NCAM1: variants seen among roughly 807,000 people sequenced by gnomAD.
The protein encoded by NCAM1 is neural cell adhesion molecule 1, also known as antigen recognized by monoclonal antibody 5.1H11.
NCAM1 carries 14 observed loss-of-function variants against 109.8 expected under a neutral mutation model. The observed-to-expected ratio is 0.13, with a 90% CI of 0.08 to 0.20. The LOEUF (loss-of-function observed/expected upper bound fraction) is 0.20, where lower values mean the gene tolerates loss of function less well. Ranked by LOEUF, NCAM1 falls within the 10% of genes least tolerant of loss-of-function variation. The pLI is 1.00. For synonymous variants in NCAM1, 418 were observed against 442.9 expected (o/e 0.94, Z 0.70); for missense variants, 774 against 1,109.9 (o/e 0.70, Z 4.30).
intron 1 of NCAM1, among the ~76,000 whole-genome samples, chr11:113,174,111 A>C (rs1943077429): frequency 6.6e-6 from 1 of 152,248 alleles, no homozygotes; most frequent in Admixed American, 6.5e-5. Context: ...CTAGGAGATT[A>C]GAAGTGGAAA....
chr11:113,219,101 GGCCTATGAA>G (rs1944614226), intron 8 of NCAM1, among the ~76,000 whole-genome samples: 1 of 152,120 alleles, frequency 6.6e-6, no homozygotes, highest in Admixed American at 6.5e-5. Flanking sequence ...GACTGACAAA[GGCCTATGAA>G]GCCTTATTAA....
At chr11:112,999,615 T>G (rs2134959397) in intron 1 of NCAM1, among the ~76,000 whole-genome samples, 1 of 152,262 alleles carries the variant, frequency 6.6e-6, no homozygotes, top group East Asian at 1.9e-4. Context: ...ATAACCCTAA[T>G]TAAGAGGAAA....
intron 1 of NCAM1, among the ~76,000 whole-genome samples, chr11:113,070,320 G>T (rs1938202021): frequency 6.6e-6 from 1 of 152,120 alleles, no homozygotes; most frequent in East Asian, 1.9e-4. Context: ...AGCAAGGTGG[G>T]GAGTGTAGAC....
chr11:113,064,418 G>A (rs1219726796), intron 1 of NCAM1, among the ~76,000 whole-genome samples: 2 of 152,094 alleles, frequency 1.3e-5, no homozygotes, highest in South Asian at 2.1e-4. Context: ...AAGTTAGATG[G>A]CAAAAATGAA....
intron 1 of NCAM1, among the ~76,000 whole-genome samples, chr11:113,057,423 T>G (rs1488730340): frequency 6.6e-6 from 1 of 151,972 alleles, no homozygotes; most frequent in Non-Finnish European, 1.5e-5. Context: ...GGGCTTATCC[T>G]ATAGGCAAAG....
chr11:112,983,140 G>A (rs1555069032), intron 1 of NCAM1, among the ~76,000 whole-genome samples: 2 of 151,934 alleles, frequency 1.3e-5, no homozygotes, highest in African/African-American at 4.8e-5. Flanking sequence ...TTTTTATATG[G>A]TGGTACTGCT....
chr11:113,037,845 T>G (rs1952942308), intron 1 of NCAM1, among the ~76,000 whole-genome samples: 1 of 152,238 alleles, frequency 6.6e-6, no homozygotes, highest in African/African-American at 2.4e-5. Flanking sequence ...GCTTCTGGCC[T>G]CTGGCTCCAT....
At chr11:113,269,421 G>GCA (rs1291462582) in intron 17 of NCAM1, 2 of 152,378 alleles carry the variant, frequency 1.3e-5, no homozygotes, top group African/African-American at 4.8e-5. Context: ...GTGTGTGTGT[G>GCA]CACCTCTGAG....
intron 1 of NCAM1, among the ~76,000 whole-genome samples, chr11:113,173,591 GATAT>G (rs5794851): frequency 0.08 from 10,164 of 126,494 alleles, 677 homozygotes; most frequent in East Asian, 0.21. Context: ...CATGTTACCT[GATAT>G]ATATATATAT....
At chr11:113,239,499 C>CTATTTTTT (rs1945264362) in intron 14 of NCAM1, among the ~76,000 whole-genome samples, 1 of 110,220 alleles carries the variant, frequency 9.1e-6, no homozygotes, top group Non-Finnish European at 1.7e-5. Context: ...TGAGTCTCTA[C>CTATTTTTT]TTTTTTTTTT....
At chr11:113,006,422 A>T (rs1473538922) in intron 1 of NCAM1, among the ~76,000 whole-genome samples, 1 of 152,156 alleles carries the variant, frequency 6.6e-6, no homozygotes, top group Non-Finnish European at 1.5e-5. Context: ...ACTGTCTTGG[A>T]CATTTGCATG....
rs74349964 is a variant in NCAM1 at position 113,271,085 on chromosome 11, A to G, written c.2340-675A>G. Among the ~76,000 whole-genome samples, 167 of 152,186 alleles carry G rather than the reference A, an allele frequency of 1.1e-3. 1 individual carries two copies. In the East Asian group the frequency reaches 0.025, roughly 23 times the overall value. On this transcript the variant is annotated intron_variant, in intron 18 of 19. Transcript: ENST00000316851. ...TACATGTATGTGCATGTACTTAGAA[A>G]TGTATGTATAGGGGTGACTCACGCC...
chr11:113,231,123 A>G (rs1366519125), intron 9 of NCAM1: 1 of 1,383,456 alleles, frequency 7.2e-7, no homozygotes, highest in African/African-American at 1.4e-5. Context: ...AACATCCAGG[A>G]AAGAGGCATC....
chr11:113,218,704 T>G (rs1436355538), intron 8 of NCAM1, among the ~76,000 whole-genome samples: 3 of 152,248 alleles, frequency 2.0e-5, no homozygotes, highest in Non-Finnish European at 2.9e-5. Context: ...CTAGTTGAGT[T>G]GGTTTAGCTC....
intron 1 of NCAM1, among the ~76,000 whole-genome samples, chr11:113,188,825 G>A (rs1555109325): frequency 6.6e-6 from 1 of 151,366 alleles, no homozygotes; most frequent in Non-Finnish European, 1.5e-5. Context: ...GTGTGTGTGT[G>A]TGAGTGTGAG....
At chr11:112,993,464 C>T (rs1210161970) in intron 1 of NCAM1, among the ~76,000 whole-genome samples, 4 of 152,176 alleles carry the variant, frequency 2.6e-5, no homozygotes, top group Non-Finnish European at 1.5e-5. Context: ...TATAATTCAA[C>T]ATAAGATTTG....
chr11:113,071,924 G>A (rs1374271839), intron 1 of NCAM1, among the ~76,000 whole-genome samples: 5 of 152,064 alleles, frequency 3.3e-5, no homozygotes, highest in Admixed American at 6.5e-5. Flanking sequence ...GCAGGTGGAC[G>A]ATTTGAGGTC....
At chr11:112,971,195 T>A (rs1658699736) in intron 1 of NCAM1, among the ~76,000 whole-genome samples, 1 of 151,900 alleles carries the variant, frequency 6.6e-6, no homozygotes, top group Admixed American at 6.6e-5. Context: ...GTGTTTTATA[T>A]AAGGGTAAGT....
chr11:113,106,027 C>CAT (rs35542312), intron 1 of NCAM1, among the ~76,000 whole-genome samples: 10,880 of 151,940 alleles, frequency 0.072, 746 homozygotes, highest in Admixed American at 0.17. Context: ...CAATTTGTGA[C>CAT]ATATATTTTA....
Sources: gnomAD v4.1 joint callset for allele counts (sites outside exome capture counted in the v4.1 genomes callset) on GRCh38, gnomAD v4.1.1 for gene constraint, MANE v1.5 for transcripts, NCBI Gene and HGNC (gene_info 2026-07-23, HGNC 2026-07-21) for gene names.